SPIDR: variants seen among roughly 807,000 people sequenced by gnomAD.
The protein encoded by SPIDR is DNA repair-scaffolding protein.
In SPIDR, 93 loss-of-function variants were observed where a neutral mutation model predicts 104.6. The observed-to-expected ratio is 0.89, with a 90% CI of 0.75 to 1.06. The LOEUF is 1.06. SPIDR is among the 50% of genes least tolerant of loss of function. SPIDR has a pLI of 0.00. For synonymous variants in SPIDR, 431 were observed against 416.9 expected (o/e 1.03, Z -0.41); for missense variants, 1,154 against 1,111.2 (o/e 1.04, Z -0.55).
chr8:47,353,041 G>A, intron 5 of SPIDR, among the ~76,000 whole-genome samples: 1 of 136,362 alleles, frequency 7.3e-6, no homozygotes, highest in Non-Finnish European at 1.6e-5. Context: ...CGACAGAGCG[G>A]GACTCTATCT....
chr8:47,709,057 C>G (rs1053424056), intron 14 of SPIDR, among the ~76,000 whole-genome samples: 1 of 151,868 alleles, frequency 6.6e-6, no homozygotes, highest in Non-Finnish European at 1.5e-5. Context: ...ACTGCAACCT[C>G]TGCCTCCCGT....
intron 8 of SPIDR, among the ~76,000 whole-genome samples, chr8:47,458,323 G>GT (rs1469736509): frequency 1.2e-4 from 13 of 112,222 alleles, no homozygotes; most frequent in African/African-American, 2.7e-4. Flanking sequence ...ATATTCCTAA[G>GT]TATTTTATTT....
intron 6 of SPIDR, among the ~76,000 whole-genome samples, chr8:47,407,077 C>T (rs2062856307): frequency 6.6e-6 from 1 of 152,130 alleles, no homozygotes; most frequent in Non-Finnish European, 1.5e-5. Context: ...TTCTCTTTCT[C>T]TCTACATATG....
chr8:47,353,046 C>CT (rs1243421982), intron 5 of SPIDR, among the ~76,000 whole-genome samples: 1 of 100,560 alleles, frequency 9.9e-6, no homozygotes, highest in South Asian at 3.4e-4. Flanking sequence ...GAGCGGGACT[C>CT]TATCTCAAAA....
At chr8:47,419,167 T>C (rs782072455) in intron 7 of SPIDR, 1 of 152,270 alleles carries the variant, frequency 6.6e-6, no homozygotes, top group African/African-American at 2.4e-5. Flanking sequence ...CTTTTTCTGT[T>C]GATTGGAATA....
intron 5 of SPIDR, among the ~76,000 whole-genome samples, chr8:47,368,577 A>G (rs1451975091): frequency 4.6e-5 from 7 of 152,128 alleles, no homozygotes; most frequent in African/African-American, 1.7e-4. Context: ...CATGTTTTTC[A>G]TGCTTGCCTT....
At chr8:47,450,837 A>G (rs1391534261) in intron 8 of SPIDR, among the ~76,000 whole-genome samples, 1 of 152,216 alleles carries the variant, frequency 6.6e-6, no homozygotes, top group Non-Finnish European at 1.5e-5. Context: ...GTGGAATTCT[A>G]CAGTCCAGTT....
rs533388049 is a variant in SPIDR, at chr8:47,683,997, G to A, written c.1685+10056G>A. Among the ~76,000 whole-genome samples, 44 of 151,750 alleles carry A rather than the reference G, an allele frequency of 2.9e-4. No homozygotes were observed. The South Asian group carries it at 8.7e-3, about 30-fold the overall frequency. On this transcript the variant is annotated intron_variant, in intron 11 of 19. Coordinates refer to ENST00000297423, the MANE Select transcript of SPIDR (RefSeq NM_001080394.4). Reference sequence around the variant, plus strand: ...AAAAATTAGCTTGGCATAGAGGCACGTGCCTGTACTCCCAGCTACTCAGTA... The same window carrying A: ...AAAAATTAGCTTGGCATAGAGGCACATGCCTGTACTCCCAGCTACTCAGTA...
chr8:47,735,500 G>GT lies in SPIDR; in HGVS notation c.*51dup. 1 of 1,613,498 alleles carries GT rather than the reference G, an allele frequency of 6.2e-7. No homozygotes were observed. The highest frequency in any genetic ancestry group is 8.5e-7 in the Non-Finnish European group (1 of 1,179,774). ...TTGCAATGTGGCTGCAAGGGTGGTG[G>GT]TGGTGGTGGTGATTTGGGGTAGTTA... On this transcript the variant is annotated 3_prime_UTR_variant, in exon 20 of 20. Transcript: ENST00000297423.
At chr8:47,410,465 G>A (rs1339194490) in intron 7 of SPIDR, among the ~76,000 whole-genome samples, 2 of 152,094 alleles carry the variant, frequency 1.3e-5, no homozygotes, top group African/African-American at 4.8e-5. Context: ...ACAGGTGTGA[G>A]CCATCATGCC....
At position 47,498,235 on chromosome 8, in the gene SPIDR, A is replaced by G. The variant is rs913361203; in HGVS notation, c.1097+57693A>G. On this transcript the variant is annotated intron_variant, in intron 8 of 19. Transcript: ENST00000297423. ...GCAGTGATAGGCCAAAGGGAAGCAC[A>G]TTGTTGGCCAGTTGATCTAAAAGTT... Among the ~76,000 whole-genome samples the G allele has an allele frequency of 3.3e-5, 5 of 152,238 alleles. 1 individual carries two copies. Among genetic ancestry groups the G allele is most frequent in the South Asian group, 2.1e-4 (1 of 4,828 alleles).
At chr8:47,446,209 T>C (rs1260152999) in intron 8 of SPIDR, among the ~76,000 whole-genome samples, 12 of 152,236 alleles carry the variant, frequency 7.9e-5, no homozygotes, top group Non-Finnish European at 1.8e-4. Flanking sequence ...CTAATACAGC[T>C]GGTGACTTTA....
intron 8 of SPIDR, among the ~76,000 whole-genome samples, chr8:47,594,165 G>T (rs979399683): frequency 6.8e-5 from 8 of 118,232 alleles, no homozygotes; most frequent in African/African-American, 2.7e-4. Context: ...TTTGAGACCA[G>T]CCTGGTCACC....
chr8:47,676,912 C>T (rs1222138043), intron 11 of SPIDR, among the ~76,000 whole-genome samples: 2 of 152,184 alleles, frequency 1.3e-5, no homozygotes, highest in Admixed American at 6.5e-5. Context: ...TCCAGAGGCT[C>T]GCAGAAAAAC....
At chr8:47,668,748 AAATAGTAATTGAT>A (rs1411449315) in intron 10 of SPIDR, among the ~76,000 whole-genome samples, 1 of 152,240 alleles carries the variant, frequency 6.6e-6, no homozygotes, top group Non-Finnish European at 1.5e-5. Context: ...AACGGATTAC[AAATAGTAATTGAT>A]GGATTACAAA....
intron 10 of SPIDR, among the ~76,000 whole-genome samples, chr8:47,665,498 T>C (rs1415450288): frequency 6.6e-6 from 1 of 152,238 alleles, no homozygotes; most frequent in Non-Finnish European, 1.5e-5. Flanking sequence ...AATTATTAGC[T>C]GCAGAACCCT....
intron 5 of SPIDR, among the ~76,000 whole-genome samples, chr8:47,362,670 C>T (rs1488337137): frequency 6.6e-6 from 1 of 152,114 alleles, no homozygotes; most frequent in Non-Finnish European, 1.5e-5. Context: ...TTTTGTTTTT[C>T]GAGACGGAGT....
At position 47,369,232 on chromosome 8, in the gene SPIDR, A is replaced by G. The variant is rs181621687; in HGVS notation, c.526-27144A>G. On this transcript the variant is annotated intron_variant, in intron 5 of 19. Transcript: ENST00000297423. ...ATCATTATCAGGTATTTTTTCAGAA[A>G]AGGTTTCTGCAAGGAGTAAGAGAGG... Among the ~76,000 whole-genome samples the G allele has an allele frequency of 3.2e-4, 48 of 152,266 alleles. No individual in the cohort carries two copies. In the East Asian group the frequency reaches 6.6e-3, roughly 21 times the overall value.
At chr8:47,346,931 G>GT (rs781876591) in intron 5 of SPIDR, among the ~76,000 whole-genome samples, 2 of 152,048 alleles carry the variant, frequency 1.3e-5, no homozygotes, top group Non-Finnish European at 2.9e-5. Flanking sequence ...TTTTTGAAGG[G>GT]TTTTTTTGTG....
Sources: gnomAD v4.1 joint callset for allele counts (sites outside exome capture counted in the v4.1 genomes callset) on GRCh38, gnomAD v4.1.1 for gene constraint, MANE v1.5 for transcripts, NCBI Gene and HGNC (gene_info 2026-07-23, HGNC 2026-07-21) for gene names.